The following EPRS1 variants were observed in gnomAD, a reference collection of about 807,000 sequenced individuals.
EPRS1 encodes glutamyl-prolyl-tRNA synthetase 1.
A neutral mutation model predicts 188.3 loss-of-function variants in EPRS1; 107 were observed. That is an observed-to-expected ratio of 0.57 (90% CI 0.49 to 0.67). The LOEUF is 0.67. Ranked by LOEUF, EPRS1 falls within the 30% of genes least tolerant of loss-of-function variation. EPRS1 has a pLI of 0.00. For missense variants in EPRS1, 1,577 were observed against 1,802.2 expected (o/e 0.88, Z 2.26); for synonymous variants, 596 against 593.1 (o/e 1.00, Z -0.07).
chr1:220,008,958 A>G (rs1661549709), intron 13 of EPRS1, among the ~76,000 whole-genome samples: 1 of 152,208 alleles, frequency 6.6e-6, no homozygotes, highest in Admixed American at 6.5e-5. Flanking sequence ...TTACAGGCAT[A>G]AGCCACCAAC....
At position 220,034,981 on chromosome 1, in the gene EPRS1, AGT is replaced by A; in HGVS notation, c.162_163del (p.Leu55SerfsTer5). The A allele has an allele frequency of 6.3e-7, 1 of 1,598,800 alleles. No homozygotes were observed. The highest frequency in any genetic ancestry group is 8.5e-7 in the Non-Finnish European group (1 of 1,171,400). On this transcript the variant is annotated frameshift_variant, in exon 3 of 32. Coordinates refer to ENST00000366923, the MANE Select transcript of EPRS1 (RefSeq NM_004446.3). LOFTEE classifies it high-confidence loss of function. ...AGTTGCAACTCTAGCCAAGTAGCGA[AGT>A]ATAGAATTCACATCTGTGAATATCA...
At position 219,968,810 on chromosome 1, in the gene EPRS1, T is replaced by C; in HGVS notation, c.4535A>G (p.Tyr1512Cys). Residue 1512 changes from tyrosine to cysteine, a missense_variant, in exon 32 of 32, where the codon TAC becomes TGC. This residue lies in a region of EPRS1 where 296 missense variants were observed against 327.9 expected (regional missense o/e 0.90). Transcript: ENST00000366923. ...AKYYTLFGRSY is the reference protein window; with the variant it reads ...AKYYTLFGRSC Reference sequence around the variant, plus strand: ...GAGGGGGCTTTCGTTCATCCCTCAGTAGCTGCGACCAAATAAGGTGTAGTA... The same window carrying C: ...GAGGGGGCTTTCGTTCATCCCTCAGCAGCTGCGACCAAATAAGGTGTAGTA... 1 of 1,614,124 alleles carries C rather than the reference T, an allele frequency of 6.2e-7. No homozygotes were observed. The highest frequency in any genetic ancestry group is 8.5e-7 in the Non-Finnish European group (1 of 1,179,978).
At chr1:219,992,538 ATG>A (rs1368967194) in intron 18 of EPRS1, among the ~76,000 whole-genome samples, 16 of 152,358 alleles carry the variant, frequency 1.1e-4, no homozygotes, top group African/African-American at 3.1e-4. Flanking sequence ...ATTTTAGACT[ATG>A]TGAGTCTTGG....
intron 9 of EPRS1, among the ~76,000 whole-genome samples, chr1:220,020,842 ATATATATAT>A (rs1229006976): frequency 1.9e-4 from 7 of 36,358 alleles, no homozygotes; most frequent in Non-Finnish European, 3.7e-4. Flanking sequence ...ATATATATAT[ATATATATAT>A]ATATATATAT....
rs114974221 is a variant in EPRS1 at position 220,014,796 on chromosome 1, T to A, written c.1494+3653A>T. On this transcript the variant is annotated intron_variant, in intron 12 of 31. Coordinates refer to ENST00000366923, the MANE Select transcript of EPRS1 (RefSeq NM_004446.3). ...CTTCAGGCTTCCAATCACTCTTTAT[T>A]TCCCCACATTAAACATAAGCAGATA... Among the ~76,000 whole-genome samples, 622 of 151,266 alleles carry A rather than the reference T, an allele frequency of 4.1e-3. 6 individuals carry two copies. The highest frequency in any genetic ancestry group is 0.014 in the African/African-American group (582 of 41,200).
intron 2 of EPRS1, among the ~76,000 whole-genome samples, 159 bp downstream of exon 2, chr1:220,040,026 G>A (rs975469007): frequency 2.0e-5 from 3 of 152,224 alleles, no homozygotes; most frequent in South Asian, 2.1e-4. Context: ...CTAGCTACTC[G>A]GGAGGCTGGG....
intron 14 of EPRS1, among the ~76,000 whole-genome samples, chr1:220,006,931 T>C (rs1661499411): frequency 6.6e-6 from 1 of 152,216 alleles, no homozygotes; most frequent in Non-Finnish European, 1.5e-5. Flanking sequence ...TTTTATCATG[T>C]AATTTCTCAT....
intron 5 of EPRS1, among the ~76,000 whole-genome samples, chr1:220,031,234 T>C (rs1662078274): frequency 6.6e-6 from 1 of 151,960 alleles, no homozygotes; most frequent in African/African-American, 2.4e-5. Flanking sequence ...GAAGCCGAAA[T>C]AGATTAAGTC....
chr1:220,011,012 T>C lies in EPRS1; in HGVS notation c.1539A>G (p.Lys513=). ...CAGGTACATTCACTGGGATCACTTC[T>C]TTCTTCAGTAATGCAACATATCGTG... ...VAPRYVALLK[K]EVIPVNVPEA... Residue 513 remains lysine, a synonymous_variant, in exon 13 of 32, where the codon AAA becomes AAG. Transcript: ENST00000366923. 6.2e-7 allele frequency: 1 copy of C among 1,613,724 alleles called. No individual in the cohort carries two copies. The highest frequency in any genetic ancestry group is 1.1e-5 in the South Asian group (1 of 91,078).
intron 18 of EPRS1, among the ~76,000 whole-genome samples, chr1:219,996,733 A>G (rs1282053290): frequency 1.3e-5 from 2 of 152,198 alleles, no homozygotes; most frequent in African/African-American, 2.4e-5. Flanking sequence ...TACATATCAC[A>G]AAGGATTACA....
rs200004369 is a variant in EPRS1, at chr1:219,997,231, G to A, written c.2293C>T (p.Arg765Cys). 41 of 1,613,858 alleles carry A rather than the reference G, an allele frequency of 2.5e-5. No individual in the cohort carries two copies. The highest frequency in any genetic ancestry group is 3.3e-5 in the Non-Finnish European group (39 of 1,179,956). The change falls in exon 18 of 32, where the codon CGT becomes TGT. Residue 765 changes from arginine (R) to cysteine (C), a missense_variant. Physicochemically the swap from Arg to Cys is radical, Grantham distance 180. Coordinates refer to ENST00000366923, the MANE Select transcript of EPRS1 (RefSeq NM_004446.3). ...GGTGCTTTCTTGGCTTTTAATTCAC[G>A]AACCACATCTCCTTGAACAGCCACT... ...NRVAVQGDVV[R>C]ELKAKKAPKE...
chr1:219,981,055 C>A (rs545144638), intron 24 of EPRS1, among the ~76,000 whole-genome samples, 198 bp from the exon 25 acceptor site: 2 of 152,084 alleles, frequency 1.3e-5, no homozygotes, highest in Non-Finnish European at 2.9e-5. Context: ...CACGCCAATG[C>A]AGCTGGCTAA....
At chr1:220,031,090 CAAAA>C (rs11286771) in intron 5 of EPRS1, among the ~76,000 whole-genome samples, 5 of 131,264 alleles carry the variant, frequency 3.8e-5, no homozygotes, top group Admixed American at 7.6e-5. Flanking sequence ...AACTCTGTCT[CAAAA>C]AAAAAAAAAA....
intron 28 of EPRS1, among the ~76,000 whole-genome samples, chr1:219,974,500 AT>A (rs1484456361): frequency 1.3e-5 from 2 of 152,134 alleles, no homozygotes; most frequent in African/African-American, 2.4e-5. Flanking sequence ...ATTTTAAGTA[AT>A]TTTTTTGAAT....
chr1:220,036,776 A>T (rs1355043009), intron 2 of EPRS1, among the ~76,000 whole-genome samples: 1 of 152,156 alleles, frequency 6.6e-6, no homozygotes. Flanking sequence ...AAACCCCATG[A>T]CACAAGTTTA....
At chr1:220,016,349 G>GA (rs1661711456) in intron 12 of EPRS1, among the ~76,000 whole-genome samples, 3 of 140,460 alleles carry the variant, frequency 2.1e-5, no homozygotes, top group African/African-American at 5.4e-5. Context: ...GCTACAAAAA[G>GA]AAAAAGAAAA....
At chr1:220,003,009 G>A (rs958003069) in intron 16 of EPRS1, among the ~76,000 whole-genome samples, 6 of 152,140 alleles carry the variant, frequency 3.9e-5, no homozygotes, top group African/African-American at 1.2e-4. Flanking sequence ...TGGAATTGAT[G>A]GATCAAATGG....
intron 1 of EPRS1, among the ~76,000 whole-genome samples, chr1:220,043,975 G>C (rs1662350294): frequency 6.6e-6 from 1 of 152,148 alleles, no homozygotes; most frequent in Admixed American, 6.5e-5. Context: ...TTGTATCCAA[G>C]TGTATTTCCT....
intron 7 of EPRS1, 133 bp from the exon 8 acceptor site, chr1:220,024,589 G>T (rs1198965088): frequency 3.4e-6 from 2 of 591,416 alleles, no homozygotes; most frequent in East Asian, 5.8e-5. Context: ...GGTTGTGGAA[G>T]TTACATGATA....
Sources: allele counts gnomAD v4.1 joint callset (sites outside exome capture counted in the v4.1 genomes callset), GRCh38; gene constraint gnomAD v4.1.1; regional missense constraint gnomAD v4.1.1; transcripts MANE v1.5; gene names NCBI Gene and HGNC (gene_info 2026-07-23, HGNC 2026-07-21).